The following PLEKHH2 variants were observed in gnomAD, a reference collection of about 807,000 sequenced individuals.
The protein encoded by PLEKHH2 is pleckstrin homology domain-containing family H member 2.
Under a neutral mutation model 187.9 loss-of-function variants are expected in PLEKHH2, and 129 were observed. That is an observed-to-expected ratio of 0.69 (90% CI 0.59 to 0.79). PLEKHH2 has a LOEUF of 0.79. Ranked by LOEUF, PLEKHH2 falls within the 30% of genes least tolerant of loss-of-function variation. The pLI, the probability that PLEKHH2 is intolerant of heterozygous loss-of-function variation, is 0.00. For missense variants in PLEKHH2, 2,076 were observed against 1,751.2 expected, an observed-to-expected ratio of 1.19 and a Z score of -3.31; for synonymous variants, 686 against 605.6, an observed-to-expected ratio of 1.13 and a Z score of -1.95.
At chr2:43,722,833 T>C (rs897416180) in intron 16 of PLEKHH2, among the ~76,000 whole-genome samples, 1 of 152,170 alleles carries the variant, frequency 6.6e-6, no homozygotes, top group African/African-American at 2.4e-5. Flanking sequence ...ATAGCATTGA[T>C]CACAGAAGAA....
chr2:43,747,280 T>C (rs1050433934), intron 24 of PLEKHH2, among the ~76,000 whole-genome samples: 1 of 151,984 alleles, frequency 6.6e-6, no homozygotes, highest in African/African-American at 2.4e-5. Flanking sequence ...ATCCTCACTC[T>C]AATGAGTGTG....
chr2:43,764,472 TC>T, intron 29 of PLEKHH2, 107 bp downstream of exon 29: 1 of 1,224,990 alleles, frequency 8.2e-7, no homozygotes. Flanking sequence ...AAACATTTAT[TC>T]AGCAAAGACT....
In PLEKHH2 at chr2:43,700,276, A is replaced by C; in HGVS notation, c.1318A>C (p.Lys440Gln). 1 of 1,614,122 alleles carries C rather than the reference A, an allele frequency of 6.2e-7. No individual in the cohort carries two copies. The highest frequency in any genetic ancestry group is 8.5e-7 in the Non-Finnish European group (1 of 1,180,000). The change falls in exon 8 of 30, where the codon AAG becomes CAG. Residue 440 changes from lysine (K) to glutamine (Q), a missense_variant. Physicochemically the swap from Lys to Gln is moderately conservative, Grantham distance 53. Transcript: ENST00000282406. ...LVPSSHLPPPKLRIPNVFSIS... is the reference protein window; with the variant it reads ...LVPSSHLPPPQLRIPNVFSIS... ...GCCTTCATCACACCTGCCACCCCCAAAGTTAAGGATTCCTAATGTTTTCAG... is the reference window on the plus strand; with the variant it reads ...GCCTTCATCACACCTGCCACCCCCACAGTTAAGGATTCCTAATGTTTTCAG...
chr2:43,688,243 T>C (rs1342231524), intron 3 of PLEKHH2, among the ~76,000 whole-genome samples: 1 of 152,214 alleles, frequency 6.6e-6, no homozygotes, highest in East Asian at 1.9e-4. Context: ...TGGTCTAATA[T>C]CCAGAATCTA....
intron 20 of PLEKHH2, 63 bp downstream of exon 20, chr2:43,738,583 A>G: frequency 4.9e-6 from 7 of 1,424,604 alleles, no homozygotes; most frequent in Non-Finnish European, 6.7e-6. Flanking sequence ...GATTGTAAGA[A>G]TGATACACAT....
chr2:43,703,480 T>G (rs1669491179), intron 8 of PLEKHH2, among the ~76,000 whole-genome samples: 1 of 152,244 alleles, frequency 6.6e-6, no homozygotes. Flanking sequence ...TGCTACTGTA[T>G]CTATGACTTC....
At chr2:43,678,776 A>G (rs1001361757) in intron 2 of PLEKHH2, 87 bp from the exon 3 acceptor site, 83 of 603,384 alleles carry the variant, frequency 1.4e-4, no homozygotes, top group Middle Eastern at 5.2e-4. Context: ...AGGTGGAGGT[A>G]GAATTATGAG....
intron 3 of PLEKHH2, among the ~76,000 whole-genome samples, chr2:43,690,393 GGTAT>G (rs1274154723): frequency 6.6e-6 from 1 of 150,938 alleles, no homozygotes; most frequent in African/African-American, 2.4e-5. Context: ...CCATGTGGTT[GGTAT>G]TTAAATAGAA....
intron 26 of PLEKHH2, 80 bp downstream of exon 26, chr2:43,757,344 G>A: frequency 1.7e-6 from 2 of 1,157,430 alleles, no homozygotes; most frequent in Non-Finnish European, 2.3e-6. Flanking sequence ...AATTTTAAAG[G>A]TGAAAAACAT....
intron 3 of PLEKHH2, 85 bp downstream of exon 3, chr2:43,679,010 A>G: frequency 2.4e-6 from 2 of 848,556 alleles, no homozygotes; most frequent in Non-Finnish European, 3.9e-6. Context: ...GACAATTATC[A>G]GCCCACCTCT....
intron 16 of PLEKHH2, among the ~76,000 whole-genome samples, chr2:43,722,555 C>G (rs1301396339): frequency 6.6e-6 from 1 of 152,164 alleles, no homozygotes; most frequent in Non-Finnish European, 1.5e-5. Context: ...AGTAGATTCT[C>G]TCACAGGAAA....
intron 4 of PLEKHH2, among the ~76,000 whole-genome samples, chr2:43,693,138 T>G (rs947291257): frequency 6.6e-6 from 1 of 152,138 alleles, no homozygotes; most frequent in Non-Finnish European, 1.5e-5. Flanking sequence ...TTTTGCCATG[T>G]TGGCCAGGCC....
At chr2:43,659,969 G>A (rs771067280) in intron 2 of PLEKHH2, among the ~76,000 whole-genome samples, 48 of 152,224 alleles carry the variant, frequency 3.2e-4, no homozygotes, top group Admixed American at 5.2e-4. Flanking sequence ...ATATGATTCC[G>A]TAACCACTAC....
chr2:43,648,339 C>T (rs1474281877), intron 2 of PLEKHH2, among the ~76,000 whole-genome samples: 3 of 152,004 alleles, frequency 2.0e-5, no homozygotes, highest in African/African-American at 2.4e-5. Context: ...CAGGCACATA[C>T]CACCACGCCT....
intron 24 of PLEKHH2, among the ~76,000 whole-genome samples, chr2:43,747,838 A>G (rs1297220975): frequency 6.6e-6 from 1 of 152,184 alleles, no homozygotes; most frequent in Non-Finnish European, 1.5e-5. Context: ...TTGGAATGTA[A>G]GAATTGAAGG....
At chr2:43,738,562 T>C in intron 20 of PLEKHH2, 42 bp downstream of exon 20, 1 of 1,452,572 alleles carries the variant, frequency 6.9e-7, no homozygotes, top group South Asian at 1.4e-5. Context: ...ATTTAAAGTG[T>C]TTTTTTTTCT....
chr2:43,649,070 A>G (rs1409777026), intron 2 of PLEKHH2, among the ~76,000 whole-genome samples: 2 of 152,148 alleles, frequency 1.3e-5, no homozygotes, highest in African/African-American at 2.4e-5. Context: ...TTTTCATCAC[A>G]GTTTCCAAGT....
chr2:43,669,154 CCTTGAGAGA>C (rs1408348374), intron 2 of PLEKHH2, among the ~76,000 whole-genome samples: 1 of 152,144 alleles, frequency 6.6e-6, no homozygotes, highest in Non-Finnish European at 1.5e-5. Flanking sequence ...CTGTTAACTT[CCTTGAGAGA>C]CTAGACACTG....
intron 25 of PLEKHH2, among the ~76,000 whole-genome samples, 193 bp downstream of exon 25, chr2:43,753,953 A>T (rs1262603484): frequency 6.6e-6 from 1 of 152,174 alleles, no homozygotes; most frequent in Non-Finnish European, 1.5e-5. Flanking sequence ...GTAGAATGAG[A>T]CAGTATTCCA....
Sources: gnomAD v4.1 joint callset for allele counts (sites outside exome capture counted in the v4.1 genomes callset) on GRCh38, gnomAD v4.1.1 for gene constraint, MANE v1.5 for transcripts, NCBI Gene and HGNC (gene_info 2026-07-23, HGNC 2026-07-21) for gene names.